Variants in NCOA2 observed in about 807,000 individuals in gnomAD.
NCOA2 encodes nuclear receptor coactivator 2.
A neutral mutation model predicts 145.1 loss-of-function variants in NCOA2; 21 were observed. That is an observed-to-expected ratio of 0.14 (90% CI 0.10 to 0.21). The LOEUF (loss-of-function observed/expected upper bound fraction) is 0.21, where lower values mean the gene tolerates loss of function less well. NCOA2 is among the 10% of genes least tolerant of loss of function. The pLI, the probability that NCOA2 is intolerant of heterozygous loss-of-function variation, is 1.00. For missense variants in NCOA2, 1,472 were observed against 1,837.6 expected (o/e 0.80, Z 3.64); for synonymous variants, 619 against 637.5 (o/e 0.97, Z 0.44).
intron 2 of NCOA2, among the ~76,000 whole-genome samples, chr8:70,234,385 A>AATCGGTGAGTCATATGGT (rs1307228312): frequency 1.3e-5 from 2 of 152,244 alleles, no homozygotes; most frequent in Admixed American, 6.5e-5. Flanking sequence ...CTAGGAATGG[A>AATCGGTGAGTCATATGGT]ATCGGTGAGT....
Position 70,157,196 on chromosome 8 carries a change from G to C in NCOA2, c.1169C>G (p.Thr390Arg). 1 of 1,588,936 alleles carries C rather than the reference G, an allele frequency of 6.3e-7. No homozygotes were observed. The highest frequency in any genetic ancestry group is 8.6e-7 in the Non-Finnish European group (1 of 1,164,874). The change falls in exon 11 of 23, where the codon ACG becomes AGG. Residue 390 changes from threonine to arginine, a missense_variant. Coordinates refer to ENST00000452400, the MANE Select transcript of NCOA2 (RefSeq NM_006540.4). Reference sequence around the variant, plus strand: ...AATTGGATTCAGTGGCTTCCCCATCGTTTGTCCAGTCAGATCCGGATTCAT... The same window carrying C: ...AATTGGATTCAGTGGCTTCCCCATCCTTTGTCCAGTCAGATCCGGATTCAT... ...CVMNPDLTGQ[T>R]MGKPLNPISS...
chr8:70,331,160 A>G (rs2136297731), intron 1 of NCOA2, among the ~76,000 whole-genome samples: 1 of 152,294 alleles, frequency 6.6e-6, no homozygotes, highest in Non-Finnish European at 1.5e-5. Flanking sequence ...TTTTTAAGAT[A>G]TTCTTTACTG....
chr8:70,363,500 T>C (rs1045165195), intron 1 of NCOA2, among the ~76,000 whole-genome samples: 1 of 152,122 alleles, frequency 6.6e-6, no homozygotes, highest in Admixed American at 6.5e-5. Flanking sequence ...CAAAAGTTTA[T>C]AGCAACTTTA....
intron 1 of NCOA2, among the ~76,000 whole-genome samples, chr8:70,395,922 A>G (rs559016709): frequency 6.6e-6 from 1 of 152,378 alleles, no homozygotes; most frequent in East Asian, 1.9e-4. Context: ...CAGTCTCAGC[A>G]GCTGGAACAC....
chr8:70,392,808 T>G (rs866967206), intron 1 of NCOA2, among the ~76,000 whole-genome samples: 1 of 152,228 alleles, frequency 6.6e-6, no homozygotes, highest in Non-Finnish European at 1.5e-5. Context: ...GAAAATTTAA[T>G]AAGTCCAGGT....
At chr8:70,202,763 A>G (rs1271979057) in intron 4 of NCOA2, among the ~76,000 whole-genome samples, 1 of 152,206 alleles carries the variant, frequency 6.6e-6, no homozygotes, top group Non-Finnish European at 1.5e-5. Context: ...ACTGTACAAC[A>G]ATGTGCATAT....
At chr8:70,117,916 G>A (rs955476638) in intron 22 of NCOA2, among the ~76,000 whole-genome samples, 1 of 152,256 alleles carries the variant, frequency 6.6e-6, no homozygotes, top group African/African-American at 2.4e-5. Flanking sequence ...CCATCTCAGT[G>A]TTCTGCTTTT....
chr8:70,327,968 C>A (rs1174682279), intron 1 of NCOA2, among the ~76,000 whole-genome samples: 4 of 152,172 alleles, frequency 2.6e-5, no homozygotes. Flanking sequence ...ATTAACCTTA[C>A]CAAGATCACC....
intron 15 of NCOA2, among the ~76,000 whole-genome samples, chr8:70,133,178 G>C (rs1034727377): frequency 1.4e-5 from 2 of 142,712 alleles, no homozygotes; most frequent in Admixed American, 1.4e-4. Context: ...CTATAGGTGT[G>C]TGCCACCACA....
rs72265721 is a variant in NCOA2, at chr8:70,337,200, AGTGTGTGTGT to A, written c.-76-40410_-76-40401del. 5.8e-4 allele frequency among the ~76,000 whole-genome samples: 85 copies of A among 146,326 alleles called. 1 individual carries two copies. In the East Asian group the frequency reaches 0.014, roughly 25 times the overall value. On this transcript the variant is annotated intron_variant, in intron 1 of 22. Transcript: ENST00000452400. ...TTTAGCCTACCCAGCACTGCTGAGG[AGTGTGTGTGT>A]GTGTGTGTGTGTGTGTGTGTGGTGT...
At chr8:70,267,399 T>G (rs920011927) in intron 2 of NCOA2, among the ~76,000 whole-genome samples, 3 of 146,896 alleles carry the variant, frequency 2.0e-5, no homozygotes, top group East Asian at 3.9e-4. Context: ...TCTGTTTTTT[T>G]TTTTTTTTTT....
chr8:70,116,333 T>G (rs1157101114), intron 22 of NCOA2, among the ~76,000 whole-genome samples: 3 of 151,986 alleles, frequency 2.0e-5, no homozygotes, highest in Non-Finnish European at 4.4e-5. Flanking sequence ...AGGCGGATCA[T>G]TTGAGGTCAG....
chr8:70,203,817 T>C (rs1287002057), intron 4 of NCOA2, among the ~76,000 whole-genome samples: 7 of 152,248 alleles, frequency 4.6e-5, no homozygotes, highest in African/African-American at 1.7e-4. Context: ...AATTTAAATG[T>C]ACTCGGCAAA....
chr8:70,351,111 C>T (rs1809145343), intron 1 of NCOA2, among the ~76,000 whole-genome samples: 1 of 152,204 alleles, frequency 6.6e-6, no homozygotes, highest in East Asian at 1.9e-4. Flanking sequence ...TTAATCCAGT[C>T]ATGAGAGCAG....
intron 1 of NCOA2, among the ~76,000 whole-genome samples, chr8:70,305,927 C>T (rs1286344952): frequency 6.6e-6 from 1 of 152,136 alleles, no homozygotes; most frequent in Non-Finnish European, 1.5e-5. Flanking sequence ...ACATTTTAAT[C>T]AACTTTCTGT....
intron 2 of NCOA2, among the ~76,000 whole-genome samples, chr8:70,247,489 T>C (rs548425734): frequency 6.6e-6 from 1 of 152,296 alleles, no homozygotes; most frequent in South Asian, 2.1e-4. Context: ...CAAGGCAACA[T>C]ATACAATCAA....
intron 2 of NCOA2, among the ~76,000 whole-genome samples, chr8:70,234,327 T>C (rs1490812646): frequency 1.3e-5 from 2 of 152,220 alleles, no homozygotes; most frequent in East Asian, 3.8e-4. Context: ...GACATTTGTG[T>C]ACAAGTTTTT....
intron 1 of NCOA2, among the ~76,000 whole-genome samples, chr8:70,376,137 A>G (rs1811645965): frequency 6.6e-6 from 1 of 152,230 alleles, no homozygotes; most frequent in Admixed American, 6.5e-5. Flanking sequence ...AAAAGTAGAA[A>G]CAGGGCAGGA....
intron 1 of NCOA2, among the ~76,000 whole-genome samples, chr8:70,361,818 T>C (rs1810226493): frequency 6.6e-6 from 1 of 152,246 alleles, no homozygotes; most frequent in Non-Finnish European, 1.5e-5. Flanking sequence ...ATTTTAAGTC[T>C]ATTCAGAGAC....
Sources: allele counts gnomAD v4.1 joint callset (sites outside exome capture counted in the v4.1 genomes callset), GRCh38; gene constraint gnomAD v4.1.1; transcripts MANE v1.5; gene names NCBI Gene and HGNC (gene_info 2026-07-23, HGNC 2026-07-21).